The following CRYM variants were observed in gnomAD, a reference collection of about 807,000 sequenced individuals.
The protein encoded by CRYM is ketimine reductase mu-crystallin.
A neutral mutation model predicts 32.9 loss-of-function variants in CRYM; 18 were observed. That is an observed-to-expected ratio of 0.55 (90% CI 0.38 to 0.81). The LOEUF is 0.81. Among genes scored for constraint, CRYM ranks in the 30% least tolerant of loss-of-function variants. The pLI, the probability that CRYM is intolerant of heterozygous loss-of-function variation, is 0.00. For missense variants in CRYM, 337 were observed against 393.5 expected, an observed-to-expected ratio of 0.86 and a Z score of 1.21; for synonymous variants, 153 against 152.4, an observed-to-expected ratio of 1.00 and a Z score of -0.03.
At chr16:21,265,633 T>C (rs2093362421) in intron 5 of CRYM, among the ~76,000 whole-genome samples, 1 of 152,220 alleles carries the variant, frequency 6.6e-6, no homozygotes, top group Non-Finnish European at 1.5e-5. Context: ...GCATCTAGAA[T>C]AGTGCCTGGC....
At chr16:21,270,535 C>T (rs1276483915) in intron 3 of CRYM, among the ~76,000 whole-genome samples, 5 of 152,140 alleles carry the variant, frequency 3.3e-5, no homozygotes, top group South Asian at 2.1e-4. Flanking sequence ...CTGTGCACCT[C>T]GGCCTCCCAA....
At chr16:21,268,693 T>G (rs547346817) in intron 4 of CRYM, 62 of 152,268 alleles carry the variant, frequency 4.1e-4, no homozygotes, top group African/African-American at 1.4e-3. Context: ...ACCTGAAAAG[T>G]GATGTTAGAA....
chr16:21,284,605 C>T (rs536725076), intron 1 of CRYM, among the ~76,000 whole-genome samples: 101 of 152,248 alleles, frequency 6.6e-4, no homozygotes, highest in African/African-American at 2.2e-3. Flanking sequence ...CTGCAGAGGA[C>T]ATAATTCCAT....
Position 21,290,670 on chromosome 16 carries a change from C to T in CRYM, c.-192-11710G>A, listed in dbSNP as rs114622053. Reference sequence around the variant, plus strand: ...GAAGTCTTACAGTGACAGTTCAGAGCCTTACCTCTTAAACATGTTTCTTAT... The same window carrying T: ...GAAGTCTTACAGTGACAGTTCAGAGTCTTACCTCTTAAACATGTTTCTTAT... On this transcript the variant is annotated intron_variant, in intron 1 of 9. Coordinates refer to the CRYM transcript ENST00000219599. 5.6e-3 allele frequency among the ~76,000 whole-genome samples: 859 copies of T among 152,272 alleles called. 7 individuals carry two copies. The highest frequency in any genetic ancestry group is 0.019 in the African/African-American group (790 of 41,552).
rs554344555 is a variant in CRYM at position 21,269,129 on chromosome 16, G to A, written c.489+661C>T. 2.0e-3 allele frequency among the ~76,000 whole-genome samples: 278 copies of A among 140,076 alleles called. 2 individuals carry two copies. The highest frequency in any genetic ancestry group is 3.2e-3 in the Non-Finnish European group (215 of 66,430). The allele number at this position is 140,076 out of a possible 152,430, so 91.9% of individuals were successfully genotyped here. A position where few individuals can be genotyped will look rare whatever the true frequency, so the allele number is the denominator to read the frequency against. On this transcript the variant is annotated intron_variant, in intron 4 of 7. Coordinates refer to ENST00000572914, the MANE Select transcript of CRYM (RefSeq NM_001376256.1). ...ACTGCACTCCAGCCTGGGCGACAGC[G>A]CGAGACTCCATTTCAAAAAAAAAAA...
At chr16:21,292,101 A>G (rs1960671227) in intron 1 of CRYM, among the ~76,000 whole-genome samples, 2 of 152,124 alleles carry the variant, frequency 1.3e-5, no homozygotes, top group African/African-American at 4.8e-5. Context: ...CTTTAATTAT[A>G]AAGGCCAAAA....
chr16:21,267,375 G>A (rs1335275440), intron 5 of CRYM, among the ~76,000 whole-genome samples, 179 bp downstream of exon 5: 1 of 152,162 alleles, frequency 6.6e-6, no homozygotes, highest in Non-Finnish European at 1.5e-5. Flanking sequence ...TGGGATTACA[G>A]GCATGAGCCA....
In CRYM at chr16:21,277,851, CCAAT is replaced by C. The variant is rs1027064214; in HGVS notation, c.170+227_170+230del. 6.6e-6 allele frequency among the ~76,000 whole-genome samples: 1 copy of C among 152,140 alleles called. No individual in the cohort carries two copies. The highest frequency in any genetic ancestry group is 1.5e-5 in the Non-Finnish European group (1 of 68,032). On this transcript the variant is annotated intron_variant, in intron 1 of 7. Coordinates refer to ENST00000572914, the MANE Select transcript of CRYM (RefSeq NM_001376256.1). The surrounding 1 kb of genome is among the most constrained non-coding windows in gnomAD (Gnocchi z 4.2). Reference sequence around the variant, plus strand: ...AACCTCTCTGAGTCTCAGTTTTCCACCAATCAAATGGTGGTATCAATACCTCCCT... The same window carrying C: ...AACCTCTCTGAGTCTCAGTTTTCCACCAAATGGTGGTATCAATACCTCCCT...
intron 1 of CRYM, among the ~76,000 whole-genome samples, chr16:21,289,135 T>C (rs1335106324): frequency 6.6e-6 from 1 of 152,176 alleles, no homozygotes; most frequent in Non-Finnish European, 1.5e-5. Context: ...TCATATCTTA[T>C]ATTTGTTTGA....
chr16:21,269,016 C>T (rs149273785), intron 4 of CRYM, among the ~76,000 whole-genome samples: 2,523 of 151,938 alleles, frequency 0.017, 87 homozygotes, highest in East Asian at 0.081. Flanking sequence ...TGGTAGTGGG[C>T]GCCTATAATC....
chr16:21,281,184 CTATGTATCTATATAGATATGTA>C (rs1475321210), upstream of CRYM, among the ~76,000 whole-genome samples: 7 of 150,298 alleles, frequency 4.7e-5, no homozygotes. Flanking sequence ...ATATACGTAT[CTATGTATCTATATAGATATGTA>C]TATGTATCTA....
chr16:21,282,401 CTCT>C (rs1210603323), upstream of CRYM, among the ~76,000 whole-genome samples: 1 of 151,940 alleles, frequency 6.6e-6, no homozygotes, highest in Non-Finnish European at 1.5e-5. Flanking sequence ...ATAAGAAAGT[CTCT>C]TCTTGTCTAA....
chr16:21,267,878 C>T, intron 4 of CRYM, 141 bp from the exon 5 acceptor site: 1 of 805,692 alleles, frequency 1.2e-6, no homozygotes. Flanking sequence ...AATCATTCCC[C>T]ATGGAGAATG....
intron 1 of CRYM, among the ~76,000 whole-genome samples, chr16:21,288,842 T>G (rs575967620): frequency 6.6e-6 from 1 of 152,308 alleles, no homozygotes; most frequent in Admixed American, 6.5e-5. Flanking sequence ...ATTTTTTATC[T>G]GACTCATTTG....
upstream of CRYM, chr16:21,278,554 C>T (rs1335835522): frequency 1.2e-5 from 6 of 501,852 alleles, no homozygotes; most frequent in Non-Finnish European, 2.2e-5. Flanking sequence ...TCAGCTGTAG[C>T]CACATTCCTT....
chr16:21,302,201 C>A (rs1960964065), intron 1 of CRYM, among the ~76,000 whole-genome samples: 2 of 152,236 alleles, frequency 1.3e-5, no homozygotes, highest in Admixed American at 1.3e-4. Flanking sequence ...CTAGTCCTGA[C>A]TAGTCCAGAA....
chr16:21,274,244 G>C (rs1428220945), intron 3 of CRYM, among the ~76,000 whole-genome samples: 4 of 152,132 alleles, frequency 2.6e-5, no homozygotes, highest in Admixed American at 2.6e-4. Flanking sequence ...AGGATGCCTT[G>C]ACATTGCTTG....
chr16:21,271,281 A>G (rs2093374925), intron 3 of CRYM, among the ~76,000 whole-genome samples: 1 of 152,218 alleles, frequency 6.6e-6, no homozygotes, highest in African/African-American at 2.4e-5. Flanking sequence ...ACTCATGCTC[A>G]GTGGAGAACC....
At chr16:21,272,531 A>G (rs182923592) in intron 3 of CRYM, among the ~76,000 whole-genome samples, 3 of 152,278 alleles carry the variant, frequency 2.0e-5, no homozygotes, top group Admixed American at 2.0e-4. Context: ...GTAACTGATT[A>G]TCCTTCAATC....
Sources: allele counts gnomAD v4.1 joint callset (sites outside exome capture counted in the v4.1 genomes callset), GRCh38; gene constraint gnomAD v4.1.1; non-coding constraint Gnocchi (gnomAD v3.1); transcripts MANE v1.5; gene names NCBI Gene and HGNC (gene_info 2026-07-23, HGNC 2026-07-21).